The following SNTB1 variants were observed in gnomAD, a reference collection of about 807,000 sequenced individuals.
The protein encoded by SNTB1 is beta-1-syntrophin.
SNTB1 carries 36 observed loss-of-function variants against 48.9 expected under a neutral mutation model. The ratio of observed to expected loss-of-function variants is 0.74; its 90% CI spans 0.56 to 0.97. The LOEUF is 0.97. SNTB1 is among the 50% of genes least tolerant of loss of function. The pLI, the probability that SNTB1 is intolerant of heterozygous loss-of-function variation, is 0.00. For missense variants in SNTB1, 786 were observed against 703.4 expected (o/e 1.12, Z -1.33); for synonymous variants, 299 against 294.6 (o/e 1.01, Z -0.15).
At position 120,723,347 on chromosome 8, in the gene SNTB1, C is replaced by T. The variant is rs150252650; in HGVS notation, c.572-29439G>A. 4.3e-3 allele frequency among the ~76,000 whole-genome samples: 647 copies of T among 152,180 alleles called. 6 individuals carry two copies. The highest frequency in any genetic ancestry group is 0.015 in the African/African-American group (609 of 41,484). ...TACATATACACATATATACTACATA[C>T]GATTTATACTTAGAAAAGACTAAAA... On this transcript the variant is annotated intron_variant, in intron 1 of 6. Transcript: ENST00000517992.
intron 1 of SNTB1, among the ~76,000 whole-genome samples, chr8:120,748,378 G>A (rs1026987513): frequency 6.6e-5 from 10 of 152,120 alleles, no homozygotes; most frequent in South Asian, 4.2e-4. Flanking sequence ...TCATCCTTCC[G>A]TAGTCTGGGA....
At chr8:120,651,602 C>T (rs1328809080) in intron 2 of SNTB1, among the ~76,000 whole-genome samples, 1 of 152,096 alleles carries the variant, frequency 6.6e-6, no homozygotes, top group Non-Finnish European at 1.5e-5. Flanking sequence ...CCAAAAGAAC[C>T]ATTTTGTAGG....
chr8:120,549,041 G>A (rs1563814499), intron 4 of SNTB1, 83 bp from the exon 5 acceptor site: 32 of 1,124,306 alleles, frequency 2.8e-5, no homozygotes, highest in Admixed American at 7.9e-5. Context: ...GACCCAAATT[G>A]GTGATCTGCT....
At chr8:120,699,839 A>C (rs1818275284) in intron 1 of SNTB1, among the ~76,000 whole-genome samples, 1 of 152,218 alleles carries the variant, frequency 6.6e-6, no homozygotes, top group African/African-American at 2.4e-5. Context: ...TGGAGACAAC[A>C]GAGGAATTCT....
At chr8:120,576,131 G>A (rs1587003664) in intron 3 of SNTB1, among the ~76,000 whole-genome samples, 1 of 152,180 alleles carries the variant, frequency 6.6e-6, no homozygotes, top group African/African-American at 2.4e-5. Flanking sequence ...GCTTGCTAGA[G>A]TCTCAGGCCC....
At chr8:120,808,989 C>T (rs907089359) in intron 1 of SNTB1, among the ~76,000 whole-genome samples, 1 of 152,142 alleles carries the variant, frequency 6.6e-6, no homozygotes, top group African/African-American at 2.4e-5. Context: ...TTTTCAAAGC[C>T]TCTCCTATGT....
chr8:120,551,418 G>A (rs983734196), intron 4 of SNTB1, among the ~76,000 whole-genome samples: 4 of 152,042 alleles, frequency 2.6e-5, no homozygotes, highest in African/African-American at 9.7e-5. Context: ...ATGTTAAACT[G>A]AAAAAGGACA....
chr8:120,558,414 C>G (rs1168276419), intron 4 of SNTB1, among the ~76,000 whole-genome samples: 1 of 152,190 alleles, frequency 6.6e-6, no homozygotes, highest in East Asian at 1.9e-4. Flanking sequence ...TAAGTATTAT[C>G]TGAAACTGCT....
rs1303036759 is a variant in SNTB1, at chr8:120,619,666, T to G, written c.996+12778A>C. On this transcript the variant is annotated intron_variant, in intron 3 of 6. Coordinates refer to ENST00000517992, the MANE Select transcript of SNTB1 (RefSeq NM_021021.4). Reference sequence around the variant, plus strand: ...TCAGTTTTTACTCTACCATTTACGGTAGATCTTTGGCCTTCATGATTTAAT... The same window carrying G: ...TCAGTTTTTACTCTACCATTTACGGGAGATCTTTGGCCTTCATGATTTAAT... Among the ~76,000 whole-genome samples the G allele has an allele frequency of 2.0e-5, 3 of 152,332 alleles. No individual in the cohort carries two copies. The South Asian group carries it at 6.2e-4, about 32-fold the overall frequency.
chr8:120,662,575 A>G (rs533171568), intron 2 of SNTB1, among the ~76,000 whole-genome samples: 41 of 152,262 alleles, frequency 2.7e-4, no homozygotes, highest in African/African-American at 8.2e-4. Flanking sequence ...GGCAGTGGAG[A>G]GCGAGAGGAG....
chr8:120,751,356 T>A (rs1253422879), intron 1 of SNTB1, among the ~76,000 whole-genome samples: 1 of 152,206 alleles, frequency 6.6e-6, no homozygotes, highest in Non-Finnish European at 1.5e-5. Context: ...GTAGAGGATA[T>A]CCTTTCAGAC....
chr8:120,702,227 A>G (rs1215260674), intron 1 of SNTB1, among the ~76,000 whole-genome samples: 1 of 152,178 alleles, frequency 6.6e-6, no homozygotes, highest in Non-Finnish European at 1.5e-5. Context: ...CACAGGGTGG[A>G]GACATTAAAC....
chr8:120,600,708 T>G (rs909468743), intron 3 of SNTB1, among the ~76,000 whole-genome samples: 1 of 151,956 alleles, frequency 6.6e-6, no homozygotes, highest in Non-Finnish European at 1.5e-5. Flanking sequence ...GTCAGACATA[T>G]AGTTTTGCAG....
At chr8:120,668,933 G>T (rs1251210249) in intron 2 of SNTB1, among the ~76,000 whole-genome samples, 1 of 152,148 alleles carries the variant, frequency 6.6e-6, no homozygotes, top group African/African-American at 2.4e-5. Context: ...TAGAAAGTTG[G>T]CTCAACTTCA....
intron 2 of SNTB1, among the ~76,000 whole-genome samples, chr8:120,635,176 A>T (rs1045382262): frequency 6.6e-6 from 1 of 152,194 alleles, no homozygotes; most frequent in Non-Finnish European, 1.5e-5. Context: ...GCGCAGAAGA[A>T]AAAAATCTCA....
chr8:120,788,792 T>G (rs960398878), intron 1 of SNTB1, among the ~76,000 whole-genome samples: 1 of 152,044 alleles, frequency 6.6e-6, no homozygotes, highest in African/African-American at 2.4e-5. Flanking sequence ...ACAATAATAG[T>G]GGAGGACTTC....
At chr8:120,693,343 C>T (rs953820790) in intron 2 of SNTB1, among the ~76,000 whole-genome samples, 27 of 152,182 alleles carry the variant, frequency 1.8e-4, no homozygotes, top group African/African-American at 6.3e-4. Context: ...AACAAGGCAT[C>T]TATTTCAATT....
chr8:120,747,267 A>G (rs1819140575), intron 1 of SNTB1, among the ~76,000 whole-genome samples: 1 of 152,136 alleles, frequency 6.6e-6, no homozygotes, highest in Admixed American at 6.5e-5. Flanking sequence ...GGAACAGAAA[A>G]CCAAATACCA....
chr8:120,749,063 A>G (rs902495647), intron 1 of SNTB1, among the ~76,000 whole-genome samples: 2 of 152,262 alleles, frequency 1.3e-5, no homozygotes, highest in African/African-American at 4.8e-5. Context: ...TAAATTATAA[A>G]AAATTATAAT....
Sources: gnomAD v4.1 joint callset for allele counts (sites outside exome capture counted in the v4.1 genomes callset) on GRCh38, gnomAD v4.1.1 for gene constraint, MANE v1.5 for transcripts, NCBI Gene and HGNC (gene_info 2026-07-23, HGNC 2026-07-21) for gene names.